The following ARHGEF6 variants were observed in gnomAD, a reference collection of about 807,000 sequenced individuals.
The protein encoded by ARHGEF6 is Rac/Cdc42 guanine nucleotide exchange factor 6.
Under a neutral mutation model 70.3 loss-of-function variants are expected in ARHGEF6, and 9 were observed. The observed-to-expected ratio is 0.13, with a 90% confidence interval of 0.08 to 0.22. ARHGEF6 has a LOEUF of 0.22. Among genes scored for constraint, ARHGEF6 ranks in the 10% least tolerant of loss-of-function variants. The pLI, the probability that ARHGEF6 is intolerant of heterozygous loss-of-function variation, is 1.00. For synonymous variants in ARHGEF6, 201 were observed against 207.8 expected (o/e 0.97, Z 0.28); for missense variants, 470 against 563.0 (o/e 0.83, Z 1.67).
At chrX:136,758,622 C>CT (rs772180272) in intron 2 of ARHGEF6, among the ~76,000 whole-genome samples, 42 of 110,700 alleles carry the variant, frequency 3.8e-4, no homozygotes, top group Middle Eastern at 4.7e-3. Flanking sequence ...CTTTAATTTT[C>CT]TTTTTTTTAA....
At chrX:136,739,015 C>T (rs984603370) in intron 5 of ARHGEF6, among the ~76,000 whole-genome samples, 2 of 111,229 alleles carry the variant, frequency 1.8e-5, no homozygotes, top group Admixed American at 9.5e-5. Context: ...CCATCCCCCA[C>T]GCTACCTCCA....
chrX:136,771,949 C>A (rs769436697), intron 2 of ARHGEF6, among the ~76,000 whole-genome samples: 1 of 112,145 alleles, frequency 8.9e-6, no homozygotes, highest in African/African-American at 3.2e-5. Flanking sequence ...GAAGAGATAA[C>A]GGCGCTCCTA....
chrX:136,750,291 A>C (rs1010628144), intron 2 of ARHGEF6, among the ~76,000 whole-genome samples: 1 of 112,577 alleles, frequency 8.9e-6, no homozygotes, highest in Non-Finnish European at 1.9e-5. Flanking sequence ...ACTTGTTAAA[A>C]AGGTAATGTA....
At chrX:136,700,993 C>T (rs1169054659) in intron 9 of ARHGEF6, among the ~76,000 whole-genome samples, 2 of 111,704 alleles carry the variant, frequency 1.8e-5, no homozygotes, top group African/African-American at 6.5e-5. Context: ...ATGAAGAATG[C>T]CTTTGATAGT....
intron 2 of ARHGEF6, among the ~76,000 whole-genome samples, chrX:136,777,761 T>TACACACACACACACACACACACAC (rs376800070): frequency 1.2e-4 from 12 of 98,508 alleles, no homozygotes; most frequent in South Asian, 4.8e-4. Flanking sequence ...TATGTATACA[T>TACACACACACACACACACACACAC]ACACACACAC....
chrX:136,721,733 T>C (rs998822714), intron 6 of ARHGEF6, among the ~76,000 whole-genome samples: 2 of 111,215 alleles, frequency 1.8e-5, no homozygotes, highest in African/African-American at 6.6e-5. Flanking sequence ...AAAAAGTTGA[T>C]CTCATAGAAC....
intron 5 of ARHGEF6, among the ~76,000 whole-genome samples, chrX:136,740,200 T>C (rs2077028737): frequency 9.0e-6 from 1 of 110,539 alleles, no homozygotes; most frequent in Admixed American, 9.6e-5. Flanking sequence ...GTAGAGATGG[T>C]GTTTCTCCAT....
intron 2 of ARHGEF6, among the ~76,000 whole-genome samples, chrX:136,751,097 A>C (rs960847022): frequency 8.9e-6 from 1 of 111,914 alleles, no homozygotes; most frequent in Non-Finnish European, 1.9e-5. Flanking sequence ...TCAGCCTGCT[A>C]AAGTGCTGGG....
intron 6 of ARHGEF6, among the ~76,000 whole-genome samples, chrX:136,722,437 T>C (rs2076808473): frequency 8.9e-6 from 1 of 112,273 alleles, no homozygotes; most frequent in Non-Finnish European, 1.9e-5. Context: ...AAGAGTCTAG[T>C]ATCCACAATA....
intron 21 of ARHGEF6, among the ~76,000 whole-genome samples, chrX:136,669,129 C>T (rs1311024542): frequency 1.8e-5 from 2 of 111,841 alleles, no homozygotes; most frequent in African/African-American, 6.5e-5. Flanking sequence ...GAGCACTAGG[C>T]CACATCGGCA....
chrX:136,767,095 C>A (rs937991496), intron 2 of ARHGEF6: 7 of 751,523 alleles, frequency 9.3e-6, no homozygotes, highest in Admixed American at 1.7e-4. Flanking sequence ...CACCCCCGGG[C>A]CCTCGCGCGC....
At chrX:136,735,092 T>TGCATG (rs915675012) in intron 5 of ARHGEF6, among the ~76,000 whole-genome samples, 2 of 112,140 alleles carry the variant, frequency 1.8e-5, no homozygotes, top group African/African-American at 6.5e-5. Flanking sequence ...AAGGCAAGGA[T>TGCATG]GCATGCTCTC....
At chrX:136,672,896 G>A (rs1310873203) in intron 19 of ARHGEF6, among the ~76,000 whole-genome samples, 1 of 111,660 alleles carries the variant, frequency 9.0e-6, no homozygotes, top group African/African-American at 3.3e-5. Flanking sequence ...CTTCAGAGGT[G>A]TGCACACTCA....
intron 8 of ARHGEF6, 111 bp from the exon 9 acceptor site, chrX:136,707,141 G>T (rs1479958048): frequency 3.2e-6 from 3 of 948,253 alleles, no homozygotes; most frequent in Non-Finnish European, 3.0e-6. Context: ...TTTTGCCAAG[G>T]TTAAAAGAGA....
At chrX:136,729,246 C>A (rs2076906749) in intron 6 of ARHGEF6, among the ~76,000 whole-genome samples, 1 of 105,137 alleles carries the variant, frequency 9.5e-6, no homozygotes, top group African/African-American at 3.5e-5. Context: ...AGCGGGAGAA[C>A]CACCTGAGGT....
chrX:136,719,510 G>T (rs889687613), intron 6 of ARHGEF6, among the ~76,000 whole-genome samples: 3 of 111,930 alleles, frequency 2.7e-5, no homozygotes, highest in Non-Finnish European at 5.7e-5. Context: ...TGAAAGCAGT[G>T]CTTGTAGGGA....
chrX:136,703,619 T>C (rs1293807034), intron 9 of ARHGEF6, among the ~76,000 whole-genome samples: 3 of 112,252 alleles, frequency 2.7e-5, no homozygotes, highest in Non-Finnish European at 5.6e-5. Flanking sequence ...GCCTCCCAGG[T>C]TCAAGTGATT....
intron 2 of ARHGEF6, among the ~76,000 whole-genome samples, chrX:136,771,033 C>A (rs182892733): frequency 6.2e-5 from 7 of 112,041 alleles, no homozygotes; most frequent in African/African-American, 2.3e-4. Flanking sequence ...TTGCAGTGAA[C>A]AATTTAAATA....
At chrX:136,775,080 T>C (rs1415380049) in intron 2 of ARHGEF6, among the ~76,000 whole-genome samples, 1 of 111,287 alleles carries the variant, frequency 9.0e-6, no homozygotes, top group Non-Finnish European at 1.9e-5. Context: ...CCTTTACATA[T>C]ATGAATTCCT....
Sources: gnomAD v4.1 joint callset for allele counts (sites outside exome capture counted in the v4.1 genomes callset) on GRCh38, gnomAD v4.1.1 for gene constraint, MANE v1.5 for transcripts, NCBI Gene and HGNC (gene_info 2026-07-23, HGNC 2026-07-21) for gene names.